SCAF4: variants seen among roughly 807,000 people sequenced by gnomAD.
The protein encoded by SCAF4 is SR-related and CTD-associated factor 4.
Under a neutral mutation model 129.8 loss-of-function variants are expected in SCAF4, and 25 were observed. The observed-to-expected ratio is 0.19, with a 90% CI of 0.14 to 0.27. SCAF4 has a LOEUF of 0.27. Ranked by LOEUF, SCAF4 falls within the 10% of genes least tolerant of loss-of-function variation. The pLI, the probability that SCAF4 is intolerant of heterozygous loss-of-function variation, is 1.00. For missense variants in SCAF4, 1,246 were observed against 1,457.1 expected (o/e 0.86, Z 2.36); for synonymous variants, 551 against 497.7 (o/e 1.11, Z -1.43).
chr21:31,722,188 T>C (rs117544822), intron 1 of SCAF4, among the ~76,000 whole-genome samples: 92 of 152,280 alleles, frequency 6.0e-4, no homozygotes, highest in Middle Eastern at 6.8e-3. Flanking sequence ...AAGCAATCCA[T>C]CTTAATTGGA....
Position 31,731,655 on chromosome 21 carries a change from C to T in SCAF4, c.30+8G>A. On this transcript the variant is annotated splice_region_variant and intron_variant, in intron 1 of 19. Coordinates refer to ENST00000286835, the MANE Select transcript of SCAF4 (RefSeq NM_020706.2). The stretch of plus-strand genomic sequence containing the variant: ...GCCCGGCACCCCCCTGCCCCAAACA[C>T]CCCTTACCTCCTGGTTGAAGGCGTT... 1 of 1,587,954 alleles carries T rather than the reference C, an allele frequency of 6.3e-7. No homozygotes were observed.
chr21:31,723,629 T>TGCGC (rs60041981), intron 1 of SCAF4, among the ~76,000 whole-genome samples: 231 of 149,066 alleles, frequency 1.5e-3, no homozygotes, highest in South Asian at 2.3e-3. Flanking sequence ...TGTGTGTGTG[T>TGCGC]GCGCGCGCGC....
intron 15 of SCAF4, among the ~76,000 whole-genome samples, chr21:31,689,195 A>C (rs565612956): frequency 6.6e-6 from 1 of 152,102 alleles, no homozygotes; most frequent in Non-Finnish European, 1.5e-5. Flanking sequence ...TCCTTAGATG[A>C]AGGCTTTGTA....
chr21:31,701,926 AG>A lies in SCAF4; in HGVS notation c.458-9del. On this transcript the variant is annotated splice_polypyrimidine_tract_variant and intron_variant, in intron 5 of 19. Coordinates refer to ENST00000286835, the MANE Select transcript of SCAF4 (RefSeq NM_020706.2). Reference sequence around the variant, plus strand: ...CTGGAGGTGGAGGTGAGCCTAAAAAAGAAAAGGGCATTAAGGCCTAAAAAAA... The same window carrying A: ...CTGGAGGTGGAGGTGAGCCTAAAAAAAAAAGGGCATTAAGGCCTAAAAAAA... 6.2e-7 allele frequency: 1 copy of A among 1,613,412 alleles called. No individual in the cohort carries two copies. The highest frequency in any genetic ancestry group is 8.5e-7 in the Non-Finnish European group (1 of 1,179,764).
chr21:31,685,450 A>C lies in SCAF4; in HGVS notation c.2244T>G (p.Thr748=). The C allele has an allele frequency of 6.2e-7, 1 of 1,613,608 alleles. No individual in the cohort carries two copies. Residue 748 remains threonine, a synonymous_variant, in exon 18 of 20, where the codon ACT becomes ACG. Coordinates refer to ENST00000286835, the MANE Select transcript of SCAF4 (RefSeq NM_020706.2). ...FLPPGPPPPI[T]PPVSIPPPHT... ...GAGGAGGAGGAATGGATACTGGTGGAGTTATAGGAGGTGGGGGTCCAGGAG... is the reference window on the plus strand; with the variant it reads ...GAGGAGGAGGAATGGATACTGGTGGCGTTATAGGAGGTGGGGGTCCAGGAG...
intron 1 of SCAF4, among the ~76,000 whole-genome samples, chr21:31,721,235 T>C (rs1438255175): frequency 1.3e-5 from 2 of 152,218 alleles, no homozygotes; most frequent in Non-Finnish European, 1.5e-5. Flanking sequence ...TTAAAATAGA[T>C]AGTGGTAAAA....
intron 4 of SCAF4, among the ~76,000 whole-genome samples, chr21:31,702,692 C>T (rs1281762688): frequency 1.3e-5 from 2 of 152,036 alleles, no homozygotes; most frequent in Non-Finnish European, 2.9e-5. Flanking sequence ...CAAAAAAAAG[C>T]TATCTTGAAG....
intron 13 of SCAF4, 75 bp downstream of exon 13, chr21:31,692,274 C>T: frequency 8.4e-7 from 1 of 1,185,564 alleles, no homozygotes; most frequent in Non-Finnish European, 1.3e-6. Context: ...TAACTTTGGT[C>T]TCAGGTCCTC....
intron 1 of SCAF4, among the ~76,000 whole-genome samples, chr21:31,726,669 A>T (rs1184957661): frequency 6.6e-6 from 1 of 152,168 alleles, no homozygotes; most frequent in East Asian, 1.9e-4. Context: ...TGTCTCAAAA[A>T]ACAAATAAAT....
intron 19 of SCAF4, among the ~76,000 whole-genome samples, chr21:31,683,802 G>A (rs1327569943): frequency 6.6e-6 from 1 of 151,824 alleles, no homozygotes; most frequent in Non-Finnish European, 1.5e-5. Context: ...TTGGAAGGTA[G>A]ACCTCTTAAG....
Position 31,671,779 on chromosome 21 carries a change from C to T in SCAF4, c.3064G>A (p.Asp1022Asn). ...DRERYGNRNDDRDNSNRDRRE... is the reference protein window; with the variant it reads ...DRERYGNRNDNRDNSNRDRRE... The stretch of plus-strand genomic sequence containing the variant: ...CTGTCACGGTTACTATTATCTCTAT[C>T]ATCATTACGGTTCCCATACCGTTCC... The change falls in exon 20 of 20, where the codon GAT becomes AAT. Residue 1022 changes from aspartate (D) to asparagine (N), a missense_variant. Physicochemically the swap from Asp to Asn is conservative, Grantham distance 23. Transcript: ENST00000286835. 1 of 1,614,112 alleles carries T rather than the reference C, an allele frequency of 6.2e-7. No individual in the cohort carries two copies. Among genetic ancestry groups the T allele is most frequent in the South Asian group, 1.1e-5 (1 of 91,078 alleles).
At chr21:31,702,615 G>T (rs950801346) in intron 4 of SCAF4, among the ~76,000 whole-genome samples, 1 of 151,868 alleles carries the variant, frequency 6.6e-6, no homozygotes, top group African/African-American at 2.4e-5. Flanking sequence ...ACAATAAAAA[G>T]AAATTTATTA....
chr21:31,701,417 A>C (rs1211924795), intron 6 of SCAF4, among the ~76,000 whole-genome samples: 1 of 152,220 alleles, frequency 6.6e-6, no homozygotes, highest in East Asian at 1.9e-4. Context: ...AAAAAGAGAA[A>C]ATACACTGAA....
chr21:31,730,510 T>C (rs1284962748), intron 1 of SCAF4, among the ~76,000 whole-genome samples: 1 of 152,212 alleles, frequency 6.6e-6, no homozygotes, highest in Non-Finnish European at 1.5e-5. Flanking sequence ...AGGAAAGTTA[T>C]TGCACCATAA....
At chr21:31,688,672 C>CA (rs2050187394) in intron 15 of SCAF4, among the ~76,000 whole-genome samples, 1 of 152,186 alleles carries the variant, frequency 6.6e-6, no homozygotes, top group South Asian at 2.1e-4. Flanking sequence ...CACAAGCACT[C>CA]TATTTATACT....
chr21:31,701,996 T>C (rs1228169373), intron 5 of SCAF4, 78 bp from the exon 6 acceptor site: 2 of 1,522,110 alleles, frequency 1.3e-6, no homozygotes, highest in South Asian at 1.2e-5. Flanking sequence ...TTTGCTAAAA[T>C]AACATTTTAT....
intron 9 of SCAF4, among the ~76,000 whole-genome samples, chr21:31,695,501 G>A (rs927784609): frequency 6.6e-6 from 1 of 152,106 alleles, no homozygotes; most frequent in Non-Finnish European, 1.5e-5. Context: ...CTGCATGTCA[G>A]TTTAAACACA....
At chr21:31,696,925 C>T (rs1456716622) in intron 7 of SCAF4, among the ~76,000 whole-genome samples, 175 bp from the exon 8 acceptor site, 3 of 152,144 alleles carry the variant, frequency 2.0e-5, no homozygotes, top group Admixed American at 6.5e-5. Context: ...AATTTTTACA[C>T]AGATGCCAGT....
intron 19 of SCAF4, chr21:31,684,036 C>T (rs750052707): frequency 1.6e-4 from 25 of 153,338 alleles, no homozygotes; most frequent in Non-Finnish European, 3.1e-4. Flanking sequence ...ATAGTACATG[C>T]AAAAAATAAA....
Sources: gnomAD v4.1 joint callset for allele counts (sites outside exome capture counted in the v4.1 genomes callset) on GRCh38, gnomAD v4.1.1 for gene constraint, MANE v1.5 for transcripts, NCBI Gene and HGNC (gene_info 2026-07-23, HGNC 2026-07-21) for gene names.